The following EXOSC4 variants were observed in gnomAD, a reference collection of about 807,000 sequenced individuals.
The protein encoded by EXOSC4 is exosome component 4, also known as exosome complex component RRP41.
Under a neutral mutation model 20.0 loss-of-function variants are expected in EXOSC4, and 14 were observed. The ratio of observed to expected loss-of-function variants is 0.70; its 90% confidence interval spans 0.46 to 1.09. EXOSC4 has a LOEUF of 1.09. Ranked by LOEUF, EXOSC4 falls within the 50% of genes least tolerant of loss-of-function variation. The pLI is 0.00. For missense variants in EXOSC4, 337 were observed against 334.0 expected (o/e 1.01, Z -0.07); for synonymous variants, 148 against 146.4 (o/e 1.01, Z -0.08).
chr8:144,080,001 G>A lies in EXOSC4; in HGVS notation c.230G>A (p.Ser77Asn), dbSNP rs781894428. 6.2e-7 allele frequency: 1 copy of A among 1,614,094 alleles called. No homozygotes were observed. Among genetic ancestry groups the A allele is most frequent in the Non-Finnish European group, 8.5e-7 (1 of 1,180,050 alleles). The change falls in exon 2 of 3, where the codon AGT (serine) becomes AAT (asparagine). Residue 77 changes from serine to asparagine, a missense_variant. Physicochemically the swap from Ser to Asn is conservative, Grantham distance 46. Coordinates refer to ENST00000316052, the MANE Select transcript of EXOSC4 (RefSeq NM_019037.3). The surrounding 1 kb of genome is among the most constrained non-coding windows in gnomAD (Gnocchi z 4.9). ...AGGGCCCTAGTGAACTGTCAATATA[G>A]TTCAGCGACCTTCAGCACAGGTGAG... Reference protein sequence around the residue: ...PDRALVNCQYSSATFSTGERK... With the variant: ...PDRALVNCQYNSATFSTGERK...
the EXOSC4 span, among the ~76,000 whole-genome samples, chr8:144,069,890 T>A: frequency 0.15 from 22,844 of 152,028 alleles, 2,743 homozygotes; most frequent in African/African-American, 0.34. Flanking sequence ...GCCTATTGGG[T>A]TTCCAAAGAA....
upstream of EXOSC4, among the ~76,000 whole-genome samples, chr8:144,075,056 G>C (rs977983974): frequency 6.6e-6 from 1 of 151,988 alleles, no homozygotes; most frequent in African/African-American, 2.4e-5. Context: ...TCATTTTCTT[G>C]GTTTTTGTTT....
At chr8:144,064,754 G>A in the EXOSC4 span, among the ~76,000 whole-genome samples, 9 of 152,276 alleles carry the variant, frequency 5.9e-5, no homozygotes, top group East Asian at 1.2e-3. Context: ...CCTCCCCAGG[G>A]ACAGGAGAGC....
the EXOSC4 span, among the ~76,000 whole-genome samples, chr8:144,068,007 T>TG: frequency 3.3e-4 from 50 of 152,062 alleles, no homozygotes; most frequent in African/African-American, 1.2e-3. Context: ...GGCCACGGAG[T>TG]GGCTCTACGG....
chr8:144,073,635 T>G, the EXOSC4 span, among the ~76,000 whole-genome samples: 10 of 151,936 alleles, frequency 6.6e-5, no homozygotes, highest in African/African-American at 9.7e-5. Flanking sequence ...GGCAGATCAC[T>G]AGGTCAGGAG....
At chr8:144,067,599 G>A in the EXOSC4 span, among the ~76,000 whole-genome samples, 1 of 152,242 alleles carries the variant, frequency 6.6e-6, no homozygotes, top group South Asian at 2.1e-4. Context: ...AGAAGAAGCA[G>A]TGGAGACCAG....
At chr8:144,065,352 T>C in the EXOSC4 span, among the ~76,000 whole-genome samples, 3 of 152,278 alleles carry the variant, frequency 2.0e-5, no homozygotes, top group Middle Eastern at 3.4e-3. Context: ...GCCCCTCACC[T>C]GTGCGAGTGG....
chr8:144,070,895 G>A, the EXOSC4 span, among the ~76,000 whole-genome samples: 2 of 151,970 alleles, frequency 1.3e-5, no homozygotes, highest in African/African-American at 4.8e-5. Context: ...GCTTGGGGAG[G>A]TTAAATACAA....
upstream of EXOSC4, among the ~76,000 whole-genome samples, chr8:144,077,273 GA>G (rs1349031021): frequency 3.3e-5 from 5 of 151,932 alleles, no homozygotes; most frequent in Non-Finnish European, 7.4e-5. Context: ...AGAAACAAAC[GA>G]AAAAAACGAT....
At chr8:144,074,170 A>G (rs572679329), upstream of EXOSC4, among the ~76,000 whole-genome samples, 12 of 152,316 alleles carry the variant, frequency 7.9e-5, no homozygotes, top group African/African-American at 2.2e-4. Flanking sequence ...ACAGAGTCAT[A>G]TATTTCGTAA....
upstream of EXOSC4, among the ~76,000 whole-genome samples, chr8:144,076,074 T>G (rs968251233): frequency 3.9e-5 from 6 of 152,178 alleles, no homozygotes; most frequent in Non-Finnish European, 8.8e-5. Context: ...TGGCTCATGC[T>G]GAACACCTGT....
At chr8:144,064,373 G>A in the EXOSC4 span, among the ~76,000 whole-genome samples, 1 of 152,248 alleles carries the variant, frequency 6.6e-6, no homozygotes, top group Non-Finnish European at 1.5e-5. Flanking sequence ...CGGCAGTCAC[G>A]GTTGGCACAG....
rs1140751 is a variant in EXOSC4, at chr8:144,080,484, G to A, written c.621G>A (p.Glu207=). The A allele has an allele frequency of 6.2e-7, 1 of 1,607,374 alleles. No individual in the cohort carries two copies. The highest frequency in any genetic ancestry group is 8.5e-7 in the Non-Finnish European group (1 of 1,179,998). ...TTGAGATGGATGCCCGGCTGCACGA[G>A]GACCACCTGGAGCGGGTGTTGGAGG... ...ALLEMDARLH[E]DHLERVLEAA... is the part of the protein sequence containing the mutation. The change falls in exon 3 of 3, where the codon GAG becomes GAA. Residue 207 remains glutamate, a synonymous_variant. Transcript: ENST00000316052. This position sits in a 1 kb window ranked among gnomAD's most constrained non-coding sequence, Gnocchi z 4.9.
upstream of EXOSC4, among the ~76,000 whole-genome samples, chr8:144,077,772 T>A (rs148170719): frequency 6.6e-6 from 1 of 152,144 alleles, no homozygotes; most frequent in East Asian, 1.9e-4. Context: ...TGGAACCCAG[T>A]TGCCATACTG....
At chr8:144,069,678 C>T in the EXOSC4 span, among the ~76,000 whole-genome samples, 4 of 152,348 alleles carry the variant, frequency 2.6e-5, no homozygotes, top group South Asian at 6.2e-4. Context: ...TTCAGTGATT[C>T]GGGCCTGAGT....
chr8:144,069,731 G>A, the EXOSC4 span, among the ~76,000 whole-genome samples: 1 of 152,244 alleles, frequency 6.6e-6, no homozygotes, highest in African/African-American at 2.4e-5. Context: ...GCTGAATGCG[G>A]AGCAGATTGG....
intron 1 of EXOSC4, chr8:144,079,730 A>G (rs1223681044): frequency 1.2e-5 from 8 of 693,844 alleles, no homozygotes; most frequent in Non-Finnish European, 1.8e-5. Context: ...TTGGCAGGGA[A>G]TGGGGCAAGG....
the EXOSC4 span, among the ~76,000 whole-genome samples, chr8:144,065,665 G>A: frequency 6.6e-6 from 1 of 152,094 alleles, no homozygotes; most frequent in Non-Finnish European, 1.5e-5. Context: ...AACCTGGGAG[G>A]CAGAGGTTGC....
upstream of EXOSC4, among the ~76,000 whole-genome samples, chr8:144,076,117 G>C (rs781976677): frequency 2.0e-5 from 3 of 152,172 alleles, no homozygotes; most frequent in Non-Finnish European, 4.4e-5. Context: ...TTGGGCACAT[G>C]CTTGGCACAG....
Sources: gnomAD v4.1 joint callset for allele counts (sites outside exome capture counted in the v4.1 genomes callset) on GRCh38, gnomAD v4.1.1 for gene constraint, Gnocchi (gnomAD v3.1) non-coding constraint, MANE v1.5 for transcripts, NCBI Gene and HGNC (gene_info 2026-07-23, HGNC 2026-07-21) for gene names.